The following TENM3 variants were observed in gnomAD, a reference collection of about 807,000 sequenced individuals.
TENM3 encodes the protein teneurin transmembrane protein 3.
TENM3 carries 63 observed loss-of-function variants against 255.1 expected under a neutral mutation model. That is an observed-to-expected ratio of 0.25 (90% confidence interval 0.20 to 0.30). The LOEUF is 0.30. Among genes scored for constraint, TENM3 ranks in the 10% least tolerant of loss-of-function variants. TENM3 has a pLI of 1.00. For missense variants in TENM3, 2,929 were observed against 3,461.1 expected (o/e 0.85, Z 3.86); for synonymous variants, 1,306 against 1,322.3 (o/e 0.99, Z 0.27).
At chr4:181,651,336 A>G in the TENM3 span, among the ~76,000 whole-genome samples, 15 of 152,312 alleles carry the variant, frequency 9.8e-5, no homozygotes, top group South Asian at 4.1e-4. Context: ...ACGGTGGCTC[A>G]CACCTGTAAT....
the TENM3 span, among the ~76,000 whole-genome samples, chr4:181,555,528 C>T: frequency 4.6e-5 from 7 of 152,156 alleles, no homozygotes; most frequent in African/African-American, 1.7e-4. Flanking sequence ...AAATAAAATT[C>T]TTCAATATAA....
At chr4:181,601,086 G>C in the TENM3 span, among the ~76,000 whole-genome samples, 1 of 152,254 alleles carries the variant, frequency 6.6e-6, no homozygotes, top group East Asian at 1.9e-4. Context: ...TACTACCGGT[G>C]CACATCGGCA....
chr4:182,119,845 G>A, the TENM3 span, among the ~76,000 whole-genome samples: 5 of 151,976 alleles, frequency 3.3e-5, no homozygotes, highest in Admixed American at 6.6e-5. Context: ...GGGACTACAA[G>A]TACATACCAC....
intron 3 of TENM3, among the ~76,000 whole-genome samples, chr4:182,516,538 T>G (rs532736501): frequency 0.013 from 1,926 of 152,326 alleles, 37 homozygotes; most frequent in African/African-American, 0.045. Context: ...CGAATTTTTT[T>G]TAGAGTTGGC....
chr4:181,970,808 G>C, the TENM3 span, among the ~76,000 whole-genome samples: 1 of 152,164 alleles, frequency 6.6e-6, no homozygotes, highest in African/African-American at 2.4e-5. Context: ...TTCATACCAT[G>C]TATCTGGGGA....
In TENM3 at chr4:182,726,828, A is replaced by G. The variant is rs769699427; in HGVS notation, c.2369-2137A>G. ...CCTGCCTTTTAGACTGGGCAATTTA[A>G]TTCAACTTTGTCTGTTTTCTTTTAT... On this transcript the variant is annotated intron_variant, in intron 13 of 27. Coordinates refer to ENST00000511685, the MANE Select transcript of TENM3 (RefSeq NM_001080477.4). Among the ~76,000 whole-genome samples, 60 of 152,306 alleles carry G rather than the reference A, an allele frequency of 3.9e-4. No homozygotes were observed. In the Middle Eastern group the frequency reaches 0.014, roughly 35 times the overall value.
chr4:181,672,245 G>A, the TENM3 span, among the ~76,000 whole-genome samples: 1 of 152,136 alleles, frequency 6.6e-6, no homozygotes, highest in African/African-American at 2.4e-5. Context: ...GTGAAATAGA[G>A]AATAATAATA....
chr4:182,578,859 C>T (rs1745204410), intron 3 of TENM3, among the ~76,000 whole-genome samples: 1 of 152,200 alleles, frequency 6.6e-6, no homozygotes, highest in African/African-American at 2.4e-5. Flanking sequence ...TGGAAATCTC[C>T]AGTCTTCCTG....
intron 2 of TENM3, among the ~76,000 whole-genome samples, chr4:182,339,246 T>G (rs866945614): frequency 1.3e-5 from 2 of 152,246 alleles, no homozygotes; most frequent in Admixed American, 6.5e-5. Context: ...CTGCTTAAAA[T>G]GATTCATTTA....
At chr4:181,472,758 C>T in the TENM3 span, among the ~76,000 whole-genome samples, 3 of 152,208 alleles carry the variant, frequency 2.0e-5, no homozygotes, top group Admixed American at 6.5e-5. Flanking sequence ...AGGCTGAGAG[C>T]CCTGCTCTGC....
chr4:182,482,015 T>C (rs1477678546), intron 3 of TENM3, among the ~76,000 whole-genome samples: 2 of 152,190 alleles, frequency 1.3e-5, no homozygotes, highest in African/African-American at 4.8e-5. Flanking sequence ...ATGCAGATAC[T>C]GTATCTTAAT....
the TENM3 span, among the ~76,000 whole-genome samples, chr4:181,511,081 C>T: frequency 1.3e-5 from 2 of 152,092 alleles, no homozygotes; most frequent in Admixed American, 6.6e-5. Context: ...TGAGTGGTCG[C>T]TGGAACCAGG....
At chr4:181,583,137 T>TTTA in the TENM3 span, among the ~76,000 whole-genome samples, 67 of 152,248 alleles carry the variant, frequency 4.4e-4, no homozygotes, top group African/African-American at 1.5e-3. Context: ...GTATTTTTTT[T>TTTA]TTTTTTTACT....
chr4:181,697,686 C>T, the TENM3 span, among the ~76,000 whole-genome samples: 483 of 152,252 alleles, frequency 3.2e-3, 1 homozygote, highest in Middle Eastern at 0.01. Flanking sequence ...GCCACTGCGT[C>T]CAGCCCATTT....
chr4:181,859,033 G>T, the TENM3 span, among the ~76,000 whole-genome samples: 1 of 151,918 alleles, frequency 6.6e-6, no homozygotes, highest in Non-Finnish European at 1.5e-5. Context: ...CAGTTGAGGG[G>T]CGTGTTGGTC....
At chr4:181,862,595 A>T in the TENM3 span, among the ~76,000 whole-genome samples, 1 of 152,136 alleles carries the variant, frequency 6.6e-6, no homozygotes, top group Non-Finnish European at 1.5e-5. Context: ...GCAAAACAAA[A>T]CATATTTTCA....
chr4:182,008,808 C>T, the TENM3 span, among the ~76,000 whole-genome samples: 1 of 152,010 alleles, frequency 6.6e-6, no homozygotes, highest in Non-Finnish European at 1.5e-5. Flanking sequence ...GCACTCTGGC[C>T]TTTTGGGTTT....
At chr4:182,763,961 T>C (rs1345232942) in intron 22 of TENM3, among the ~76,000 whole-genome samples, 2 of 152,248 alleles carry the variant, frequency 1.3e-5, no homozygotes, top group Non-Finnish European at 2.9e-5. Flanking sequence ...TAAAGATTTC[T>C]AGTTTTTTAA....
the TENM3 span, among the ~76,000 whole-genome samples, chr4:181,474,585 A>G: frequency 8.7e-4 from 132 of 152,002 alleles, no homozygotes; most frequent in African/African-American, 2.9e-3. Context: ...AACACAAAAA[A>G]TTAGCAGGGT....
Sources: allele counts gnomAD v4.1 joint callset (sites outside exome capture counted in the v4.1 genomes callset), GRCh38; gene constraint gnomAD v4.1.1; transcripts MANE v1.5; gene names NCBI Gene and HGNC (gene_info 2026-07-23, HGNC 2026-07-21).